The following ST18 variants were observed in gnomAD, a reference collection of about 807,000 sequenced individuals.
ST18 encodes the protein suppression of tumorigenicity 18 protein.
Under a neutral mutation model 110.0 loss-of-function variants are expected in ST18, and 50 were observed. The observed-to-expected ratio is 0.45, with a 90% CI of 0.36 to 0.58. The LOEUF (loss-of-function observed/expected upper bound fraction) is 0.58, where lower values mean the gene tolerates loss of function less well. Among genes scored for constraint, ST18 ranks in the 20% least tolerant of loss-of-function variants. The probability of loss-of-function intolerance (pLI) is 0.00; values close to 1 mark genes in which losing one functional copy is unlikely to be tolerated. For synonymous variants in ST18, 461 were observed against 452.4 expected (o/e 1.02, Z -0.24); for missense variants, 1,306 against 1,280.1 (o/e 1.02, Z -0.31).
At chr8:52,384,044 C>A (rs945097983) in intron 2 of ST18, among the ~76,000 whole-genome samples, 83 of 152,328 alleles carry the variant, frequency 5.4e-4, no homozygotes, top group African/African-American at 1.9e-3. Flanking sequence ...AAAAGAAATG[C>A]ACCTCTATAC....
chr8:52,250,445 CAAAAAAAAAAAAAAAAAAA>C (rs1159770176), intron 2 of ST18, among the ~76,000 whole-genome samples: 6 of 4,282 alleles, frequency 1.4e-3, no homozygotes, highest in East Asian at 7.6e-3. Context: ...GCCTCAAAGG[CAAAAAAAAAAAAAAAAAAA>C]AAAAAAAAAA....
At chr8:52,131,773 TAGAG>T (rs2049700634) in intron 22 of ST18, among the ~76,000 whole-genome samples, 181 bp downstream of exon 22, 1 of 152,110 alleles carries the variant, frequency 6.6e-6, no homozygotes, top group South Asian at 2.1e-4. Context: ...TTTTAAGAAA[TAGAG>T]AGAATAACAT....
chr8:52,146,526 A>T (rs1045678210), intron 16 of ST18, among the ~76,000 whole-genome samples: 11 of 151,454 alleles, frequency 7.3e-5, no homozygotes, highest in African/African-American at 2.7e-4. Context: ...ATTTCATATG[A>T]CCAGGAGCAA....
chr8:52,159,042 G>A lies in ST18; in HGVS notation c.1662C>T (p.Ser554=), dbSNP rs2060736983. 1.1e-5 allele frequency: 17 copies of A among 1,614,162 alleles called. No homozygotes were observed. The highest frequency in any genetic ancestry group is 1.4e-5 in the Non-Finnish European group (17 of 1,180,028). The change falls in exon 15 of 26, where the codon AGC becomes AGT. Residue 554 remains serine (S), a synonymous_variant. Coordinates refer to ENST00000689386, the MANE Select transcript of ST18 (RefSeq NM_001352837.2). ...RLPSAGAHTQ[S]PGRASSYSYG... is the part of the protein sequence containing the mutation. The stretch of plus-strand genomic sequence containing the variant: ...AGCTATAAGAGCTGGCACGGCCAGG[G>A]CTCTGGGTGTGGGCGCCTGCACTAG...
At chr8:52,279,448 A>G (rs1478075901) in intron 2 of ST18, among the ~76,000 whole-genome samples, 1 of 152,172 alleles carries the variant, frequency 6.6e-6, no homozygotes, top group East Asian at 1.9e-4. Context: ...CTTACATCTA[A>G]TGGAAATCAC....
At chr8:52,234,679 C>T (rs868717885) in intron 2 of ST18, among the ~76,000 whole-genome samples, 66 of 151,712 alleles carry the variant, frequency 4.4e-4, no homozygotes, top group Non-Finnish European at 8.2e-4. Flanking sequence ...GTAAAAAATG[C>T]GGAACCAACC....
intron 2 of ST18, among the ~76,000 whole-genome samples, chr8:52,254,976 A>C (rs1236869164): frequency 6.6e-6 from 1 of 152,188 alleles, no homozygotes; most frequent in Admixed American, 6.5e-5. Context: ...AAAGTGCCTC[A>C]AGATACAGCG....
chr8:52,245,511 T>A (rs1196800465), intron 2 of ST18, among the ~76,000 whole-genome samples: 1 of 152,046 alleles, frequency 6.6e-6, no homozygotes, highest in Non-Finnish European at 1.5e-5. Flanking sequence ...ACCTCAAAAT[T>A]TAGGGAATTA....
intron 22 of ST18, among the ~76,000 whole-genome samples, chr8:52,131,020 C>T (rs1433995077): frequency 6.6e-6 from 1 of 152,136 alleles, no homozygotes; most frequent in Non-Finnish European, 1.5e-5. Flanking sequence ...AAAAAATAAA[C>T]CACTGGAAAA....
intron 8 of ST18, among the ~76,000 whole-genome samples, chr8:52,199,755 G>T (rs2077341731): frequency 6.6e-6 from 1 of 152,144 alleles, no homozygotes; most frequent in African/African-American, 2.4e-5. Flanking sequence ...ATATATCCTT[G>T]CTCCTTTGAC....
intron 17 of ST18, among the ~76,000 whole-genome samples, chr8:52,141,985 T>A (rs1158185810): frequency 6.6e-6 from 1 of 152,012 alleles, no homozygotes; most frequent in African/African-American, 2.4e-5. Flanking sequence ...AGCAGTGAGA[T>A]GAGGGAAGAG....
At chr8:52,258,055 C>T in intron 2 of ST18, among the ~76,000 whole-genome samples, 1 of 136,484 alleles carries the variant, frequency 7.3e-6, no homozygotes, top group South Asian at 2.2e-4. Flanking sequence ...TATTGAACTG[C>T]TTTGACACCT....
chr8:52,322,229 T>C (rs886259754), intron 2 of ST18, among the ~76,000 whole-genome samples: 3 of 152,180 alleles, frequency 2.0e-5, no homozygotes, highest in Non-Finnish European at 4.4e-5. Flanking sequence ...ATGAGTTCCT[T>C]TCTTCAGTTT....
At chr8:52,254,731 G>A (rs1225233382) in intron 2 of ST18, among the ~76,000 whole-genome samples, 1 of 152,084 alleles carries the variant, frequency 6.6e-6, no homozygotes, top group East Asian at 1.9e-4. Flanking sequence ...TTGCAGGCTC[G>A]AGTGTTCTGA....
At chr8:52,287,617 C>T (rs531612863) in intron 2 of ST18, among the ~76,000 whole-genome samples, 5 of 152,238 alleles carry the variant, frequency 3.3e-5, no homozygotes, top group African/African-American at 9.6e-5. Context: ...GGGAGCTGCC[C>T]GGCCTCAAGG....
intron 2 of ST18, among the ~76,000 whole-genome samples, chr8:52,369,568 T>A (rs2140576066): frequency 6.6e-6 from 1 of 152,338 alleles, no homozygotes; most frequent in South Asian, 2.1e-4. Context: ...CTATCTTGTT[T>A]AAGCCACTGT....
intron 2 of ST18, among the ~76,000 whole-genome samples, chr8:52,271,153 C>A (rs1226351906): frequency 2.6e-5 from 4 of 152,158 alleles, no homozygotes; most frequent in African/African-American, 9.7e-5. Flanking sequence ...CCACCTCAGC[C>A]TCCCAAATAG....
chr8:52,313,270 A>G (rs948210127), intron 2 of ST18: 1 of 152,460 alleles, frequency 6.6e-6, no homozygotes, highest in African/African-American at 2.4e-5. Context: ...CACCACCACA[A>G]GCCCTGCTAG....
At chr8:52,290,568 A>T (rs2095540618) in intron 2 of ST18, among the ~76,000 whole-genome samples, 2 of 152,202 alleles carry the variant, frequency 1.3e-5, no homozygotes, top group Admixed American at 1.3e-4. Context: ...CAATGCGTTG[A>T]TTGGCTGACA....
Sources: allele counts gnomAD v4.1 joint callset (sites outside exome capture counted in the v4.1 genomes callset), GRCh38; gene constraint gnomAD v4.1.1; transcripts MANE v1.5; gene names NCBI Gene and HGNC (gene_info 2026-07-23, HGNC 2026-07-21).